HAS3: variants seen among roughly 807,000 people sequenced by gnomAD.
HAS3 encodes hyaluronan synthase 3.
In HAS3, 27 loss-of-function variants were observed where a neutral mutation model predicts 50.3. The observed-to-expected ratio is 0.54, with a 90% confidence interval of 0.40 to 0.74. The LOEUF is 0.74. Among genes scored for constraint, HAS3 ranks in the 30% least tolerant of loss-of-function variants. HAS3 has a pLI of 0.00. For missense variants in HAS3, 517 were observed against 742.8 expected, an observed-to-expected ratio of 0.70 and a Z score of 3.53; for synonymous variants, 339 against 310.9, an observed-to-expected ratio of 1.09 and a Z score of -0.95.
downstream of HAS3, chr16:69,118,211 G>A (rs1961308431): frequency 2.0e-5 from 13 of 637,494 alleles, no homozygotes; most frequent in South Asian, 1.8e-4. Flanking sequence ...AGTGAAGAGG[G>A]AGTTGGATGA....
chr16:69,093,311 A>G, the HAS3 span, among the ~76,000 whole-genome samples: 66 of 152,208 alleles, frequency 4.3e-4, no homozygotes, highest in African/African-American at 1.5e-3. Flanking sequence ...TCCCGAGTTC[A>G]AGCGATTCTC....
Position 69,106,252 on chromosome 16 carries a change from C to A in HAS3, c.-1+465C>A, listed in dbSNP as rs1328360278. The A allele has an allele frequency of 6.6e-6, 1 of 151,550 alleles. No homozygotes were observed. The highest frequency in any genetic ancestry group is 6.6e-5 in the Admixed American group (1 of 15,172). The allele number at this position is 151,550 out of a possible 1,614,324, so 9.4% of individuals were successfully genotyped here. On this transcript the variant is annotated intron_variant, in intron 1 of 3. Transcript: ENST00000569188. The surrounding 1 kb of genome is among the most constrained non-coding windows in gnomAD (Gnocchi z 5.5). ...GAGCGCGCGGCGGCGCGGAGCGGAGCGGGAGGAGGGGCATGGAGCCGCCGC... is the reference window on the plus strand; with the variant it reads ...GAGCGCGCGGCGGCGCGGAGCGGAGAGGGAGGAGGGGCATGGAGCCGCCGC...
chr16:69,113,330 CAT>C (rs1253550500), intron 2 of HAS3, 109 bp from the exon 3 acceptor site: 10 of 764,906 alleles, frequency 1.3e-5, no homozygotes, highest in Admixed American at 1.2e-4. Context: ...GGAAGTGAGT[CAT>C]GTGTGAAGGG....
rs947754753 is a variant in HAS3 at position 69,106,819 on chromosome 16, G to GC, written c.-1+1034dup. 2 of 152,186 alleles carry GC rather than the reference G, an allele frequency of 1.3e-5. No individual in the cohort carries two copies. The highest frequency in any genetic ancestry group is 1.3e-4 in the Admixed American group (2 of 15,282). The allele number at this position is 152,186 out of a possible 1,614,324, so 9.4% of individuals were successfully genotyped here. A position where few individuals can be genotyped will look rare whatever the true frequency, so the allele number is the denominator to read the frequency against. ...CCGGCCTGGAGGGGCCCGGAGGGCG[G>GC]CCGGGCACAAGAGGAGGAGCCCCGT... is the stretch of plus-strand genomic sequence containing the variant. On this transcript the variant is annotated intron_variant, in intron 1 of 3. Coordinates refer to ENST00000569188, the MANE Select transcript of HAS3 (RefSeq NM_001199280.2). This position sits in a 1 kb window ranked among gnomAD's most constrained non-coding sequence, Gnocchi z 5.5.
chr16:69,115,961 G>A lies in HAS3; in HGVS notation c.*695G>A. The A allele has an allele frequency of 1.0e-6, 1 of 985,840 alleles. No individual in the cohort carries two copies. Among genetic ancestry groups the A allele is most frequent in the Non-Finnish European group, 1.2e-6 (1 of 829,944 alleles). 61.1% of individuals were successfully genotyped at this position (985,840 alleles called of 1,614,324 possible). ...TTGCCAGGAGGAACAAAGAGATTGT[G>A]GTGGTGCTAAAGGAGGCCATAAGCT... On this transcript the variant is annotated 3_prime_UTR_variant, in exon 4 of 4. Transcript: ENST00000569188.
chr16:69,110,570 C>G (rs568146902), intron 2 of HAS3, among the ~76,000 whole-genome samples: 1 of 152,188 alleles, frequency 6.6e-6, no homozygotes, highest in Non-Finnish European at 1.5e-5. Flanking sequence ...GGCACATACA[C>G]CACCGCACCC....
At chr16:69,103,002 C>CAT (rs1335162412), upstream of HAS3, among the ~76,000 whole-genome samples, 3 of 115,082 alleles carry the variant, frequency 2.6e-5, no homozygotes, top group African/African-American at 1.0e-4. Context: ...GTGGAGTGTG[C>CAT]ATGTGTGTGT....
Position 69,106,493 on chromosome 16 carries a change from G to C in HAS3, c.-1+706G>C, listed in dbSNP as rs1960799366. On this transcript the variant is annotated intron_variant, in intron 1 of 3. Coordinates refer to ENST00000569188, the MANE Select transcript of HAS3 (RefSeq NM_001199280.2). The surrounding 1 kb of genome is among the most constrained non-coding windows in gnomAD (Gnocchi z 5.5). ...CGGGTTGGGGGCGGCGGCAGCCCCG[G>C]GCTTCCCGGCGGCCGTTCCTGCAGC... The C allele has an allele frequency of 6.6e-6, 1 of 151,592 alleles. No individual in the cohort carries two copies. The highest frequency in any genetic ancestry group is 1.5e-5 in the Non-Finnish European group (1 of 67,834). 9.4% of individuals were successfully genotyped at this position (151,592 alleles called of 1,614,324 possible). A position where few individuals can be genotyped will look rare whatever the true frequency, so the allele number is the denominator to read the frequency against.
intron 2 of HAS3, among the ~76,000 whole-genome samples, chr16:69,110,333 C>T (rs1340829894): frequency 5.3e-5 from 8 of 152,190 alleles, no homozygotes. Context: ...CGCCTGTAGT[C>T]CCAGCTACTC....
In HAS3 at chr16:69,115,441, T is replaced by G; in HGVS notation, c.*175T>G. 1.5e-6 allele frequency: 2 copies of G among 1,334,258 alleles called. No homozygotes were observed. Among genetic ancestry groups the G allele is most frequent in the Non-Finnish European group, 1.9e-6 (2 of 1,047,850 alleles). The allele number at this position is 1,334,258 out of a possible 1,614,324, so 82.7% of individuals were successfully genotyped here. A position where few individuals can be genotyped will look rare whatever the true frequency, so the allele number is the denominator to read the frequency against. On this transcript the variant is annotated 3_prime_UTR_variant, in exon 4 of 4. Transcript: ENST00000569188. ...TGTAGTATGGCCTGACAGCTCTGTT[T>G]AGAGGAGGCAACACTGATCCCCCAG...
chr16:69,109,983 C>T lies in HAS3; in HGVS notation c.588C>T (p.Val196=). ...AGAAGTGGGGAGGCAAGCGCGAGGTCATGTACACGGCCTTCAAGGCCCTCG... is the reference window on the plus strand; with the variant it reads ...AGAAGTGGGGAGGCAAGCGCGAGGTTATGTACACGGCCTTCAAGGCCCTCG... ...IMQKWGGKRE[V]MYTAFKALGD... The change falls in exon 2 of 4, where the codon GTC becomes GTT. Residue 196 remains valine, a synonymous_variant. Coordinates refer to ENST00000569188, the MANE Select transcript of HAS3 (RefSeq NM_001199280.2). This position sits in a 1 kb window ranked among gnomAD's most constrained non-coding sequence, Gnocchi z 5.3. The T allele has an allele frequency of 1.2e-6, 2 of 1,613,764 alleles. No homozygotes were observed. The highest frequency in any genetic ancestry group is 2.7e-5 in the African/African-American group (2 of 75,066).
chr16:69,086,599 T>C, the HAS3 span, among the ~76,000 whole-genome samples: 1 of 149,622 alleles, frequency 6.7e-6, no homozygotes, highest in Non-Finnish European at 1.5e-5. Flanking sequence ...TGTTAAAACT[T>C]TAGGATAATA....
chr16:69,100,158 T>C, the HAS3 span, among the ~76,000 whole-genome samples: 4 of 152,148 alleles, frequency 2.6e-5, no homozygotes, highest in Admixed American at 6.6e-5. Context: ...ACATAGCACC[T>C]GGAAATGGTC....
the HAS3 span, among the ~76,000 whole-genome samples, chr16:69,091,404 G>A: frequency 3.7e-4 from 57 of 152,182 alleles, no homozygotes; most frequent in Middle Eastern, 3.4e-3. Flanking sequence ...TTTGCATACC[G>A]AAACGTTTCT....
the HAS3 span, among the ~76,000 whole-genome samples, chr16:69,092,980 G>A: frequency 2.8e-4 from 42 of 152,282 alleles, no homozygotes; most frequent in African/African-American, 9.4e-4. Context: ...AATTGCTTAT[G>A]GAAAGGCTTC....
At chr16:69,095,315 A>C in the HAS3 span, among the ~76,000 whole-genome samples, 65 of 152,134 alleles carry the variant, frequency 4.3e-4, 1 homozygote, top group East Asian at 9.7e-3. Flanking sequence ...TAGTAAATTA[A>C]ACAGGTGCCA....
chr16:69,099,379 G>C, the HAS3 span, among the ~76,000 whole-genome samples: 1 of 151,782 alleles, frequency 6.6e-6, no homozygotes, highest in Non-Finnish European at 1.5e-5. Context: ...CCAGGTTGGA[G>C]TGCAGTGGCG....
chr16:69,088,376 A>G, the HAS3 span, among the ~76,000 whole-genome samples: 1 of 151,980 alleles, frequency 6.6e-6, no homozygotes, highest in Non-Finnish European at 1.5e-5. Flanking sequence ...CCTGGCCAAC[A>G]TGGCGAAACC....
Position 69,116,270 on chromosome 16 carries a change from C to T in HAS3, c.*1004C>T, listed in dbSNP as rs1297448210. 1 of 985,588 alleles carries T rather than the reference C, an allele frequency of 1.0e-6. No homozygotes were observed. The highest frequency in any genetic ancestry group is 1.7e-5 in the African/African-American group (1 of 57,256). 61.1% of individuals were successfully genotyped at this position (985,588 alleles called of 1,614,324 possible). A position where few individuals can be genotyped will look rare whatever the true frequency, so the allele number is the denominator to read the frequency against. ...CCCTCATCATCATAGGTAAGGTTTT[C>T]AAGGTGGCAATTGGGGCGGAGCCCC... On this transcript the variant is annotated 3_prime_UTR_variant, in exon 4 of 4. Transcript: ENST00000569188.
Sources: gnomAD v4.1 joint callset for allele counts (sites outside exome capture counted in the v4.1 genomes callset) on GRCh38, gnomAD v4.1.1 for gene constraint, Gnocchi (gnomAD v3.1) non-coding constraint, MANE v1.5 for transcripts, NCBI Gene and HGNC (gene_info 2026-07-23, HGNC 2026-07-21) for gene names.